OPCML: variants seen among roughly 807,000 people sequenced by gnomAD.
OPCML encodes the protein opioid binding protein/cell adhesion molecule like, also known as opioid-binding protein/cell adhesion molecule.
Under a neutral mutation model 37.8 loss-of-function variants are expected in OPCML, and 13 were observed. That is an observed-to-expected ratio of 0.34 (90% confidence interval 0.22 to 0.55). OPCML has a LOEUF of 0.55. Among genes scored for constraint, OPCML ranks in the 20% least tolerant of loss-of-function variants. The pLI, the probability that OPCML is intolerant of heterozygous loss-of-function variation, is 0.91. For synonymous variants in OPCML, 176 were observed against 168.8 expected (o/e 1.04, Z -0.33); for missense variants, 341 against 435.6 (o/e 0.78, Z 1.93).
At chr11:132,885,493 C>T (rs1384821172) in intron 2 of OPCML, among the ~76,000 whole-genome samples, 2 of 152,148 alleles carry the variant, frequency 1.3e-5, no homozygotes, top group Non-Finnish European at 2.9e-5. Flanking sequence ...TCAATTAATT[C>T]CCCAATAATA....
intron 4 of OPCML, among the ~76,000 whole-genome samples, chr11:132,461,127 T>A (rs536904002): frequency 6.6e-6 from 1 of 152,194 alleles, no homozygotes; most frequent in East Asian, 1.9e-4. Flanking sequence ...TGGTATTTGG[T>A]CTTCCTCCCC....
chr11:133,013,309 G>A (rs1947257299), intron 1 of OPCML, among the ~76,000 whole-genome samples: 1 of 152,088 alleles, frequency 6.6e-6, no homozygotes, highest in African/African-American at 2.4e-5. Flanking sequence ...AAAATGAAAT[G>A]TTTAAAATAA....
intron 2 of OPCML, among the ~76,000 whole-genome samples, chr11:132,841,174 C>A (rs1043328315): frequency 1.8e-4 from 27 of 152,196 alleles, no homozygotes; most frequent in African/African-American, 5.1e-4. Context: ...AAGCAATTAT[C>A]CAAGACTTCG....
chr11:132,864,307 GC>G, intron 2 of OPCML, among the ~76,000 whole-genome samples: 1 of 152,228 alleles, frequency 6.6e-6, no homozygotes, highest in East Asian at 1.9e-4. Flanking sequence ...CAATTAATCT[GC>G]CTTTTGTGAA....
intron 2 of OPCML, among the ~76,000 whole-genome samples, chr11:132,769,206 G>T (rs536768476): frequency 8.6e-5 from 13 of 151,064 alleles, no homozygotes; most frequent in South Asian, 4.2e-4. Context: ...ATGCTGAGTA[G>T]TTTTTTTGTA....
chr11:133,320,682 A>G (rs575545558), intron 1 of OPCML, among the ~76,000 whole-genome samples: 2 of 152,342 alleles, frequency 1.3e-5, no homozygotes, highest in African/African-American at 2.4e-5. Context: ...TCTTAAAATT[A>G]TGCTCTTCTC....
At chr11:133,066,252 CTA>C in intron 1 of OPCML, 1 of 152,428 alleles carries the variant, frequency 6.6e-6, no homozygotes, top group Non-Finnish European at 1.5e-5. Flanking sequence ...AGTTAACAGA[CTA>C]GGAATTTAAA....
intron 2 of OPCML, among the ~76,000 whole-genome samples, chr11:132,671,776 C>A (rs114981990): frequency 3.3e-5 from 5 of 150,966 alleles, no homozygotes. Flanking sequence ...GTCGAGTTTC[C>A]TTATCATGGA....
Position 132,529,164 on chromosome 11 carries a change from G to T in OPCML, c.402C>A (p.Ile134=), listed in dbSNP as rs1005469984. 6.2e-7 allele frequency: 1 copy of T among 1,610,996 alleles called. No individual in the cohort carries two copies. The highest frequency in any genetic ancestry group is 1.7e-5 in the Admixed American group (1 of 59,726). ...IVQVPPQIMN[I]SSDITVNEGS... Reference sequence around the variant, plus strand: ...CCTCATTCACAGTGATGTCTGAGGAGATATTCATGATCTGAGGAGGAACTG... The same window carrying T: ...CCTCATTCACAGTGATGTCTGAGGATATATTCATGATCTGAGGAGGAACTG... The change falls in exon 4 of 8, where the codon ATC becomes ATA. Residue 134 remains isoleucine (I), a synonymous_variant. Coordinates refer to ENST00000524381, the MANE Select transcript of OPCML (RefSeq NM_001012393.5).
chr11:132,574,155 G>T (rs1289970519), intron 3 of OPCML, among the ~76,000 whole-genome samples: 1 of 143,766 alleles, frequency 7.0e-6, no homozygotes, highest in Non-Finnish European at 1.5e-5. Context: ...TGTTAATTTT[G>T]GTTATCTTTT....
chr11:133,434,551 A>C (rs1294449237), intron 1 of OPCML, among the ~76,000 whole-genome samples: 1 of 151,976 alleles, frequency 6.6e-6, no homozygotes, highest in Non-Finnish European at 1.5e-5. Flanking sequence ...TCCATGGCTG[A>C]AGTTCAGAAG....
intron 2 of OPCML, among the ~76,000 whole-genome samples, chr11:132,826,371 T>A (rs1383779496): frequency 6.6e-6 from 1 of 152,234 alleles, no homozygotes; most frequent in Non-Finnish European, 1.5e-5. Flanking sequence ...GGGTTTCTTA[T>A]CTTCTGAACT....
At chr11:132,735,657 G>T (rs1197791443) in intron 2 of OPCML, among the ~76,000 whole-genome samples, 1 of 152,022 alleles carries the variant, frequency 6.6e-6, no homozygotes, top group African/African-American at 2.4e-5. Context: ...CTAATTTTTT[G>T]TATTTTTAGT....
chr11:132,694,457 A>T (rs922422423), intron 2 of OPCML, among the ~76,000 whole-genome samples: 4 of 152,058 alleles, frequency 2.6e-5, no homozygotes, highest in Non-Finnish European at 4.4e-5. Context: ...TCGGCCTCCC[A>T]AAGTGCTGGG....
chr11:133,045,240 A>G (rs774031445), intron 1 of OPCML, among the ~76,000 whole-genome samples: 10 of 152,146 alleles, frequency 6.6e-5, no homozygotes, highest in Non-Finnish European at 1.3e-4. Context: ...GATTCATGTC[A>G]CATCGTTATT....
At chr11:132,715,407 A>AT (rs1944434547) in intron 2 of OPCML, among the ~76,000 whole-genome samples, 2 of 152,148 alleles carry the variant, frequency 1.3e-5, no homozygotes, top group Admixed American at 1.3e-4. Context: ...GGAAATTTGG[A>AT]TTTTATCCTC....
At chr11:133,107,122 A>G (rs1427770624) in intron 1 of OPCML, among the ~76,000 whole-genome samples, 1 of 152,200 alleles carries the variant, frequency 6.6e-6, no homozygotes, top group African/African-American at 2.4e-5. Flanking sequence ...TCTCCATCCA[A>G]GAGGAAGATT....
At chr11:133,234,441 A>G (rs1308284549) in intron 1 of OPCML, among the ~76,000 whole-genome samples, 2 of 152,232 alleles carry the variant, frequency 1.3e-5, no homozygotes, top group Non-Finnish European at 2.9e-5. Context: ...ATGATTCATT[A>G]CAAACATGGA....
intron 1 of OPCML, among the ~76,000 whole-genome samples, chr11:133,417,345 C>A (rs1945790765): frequency 6.6e-6 from 1 of 152,134 alleles, no homozygotes. Flanking sequence ...GTCTTCCCAG[C>A]AACTCTAAAA....
Sources: gnomAD v4.1 joint callset for allele counts (sites outside exome capture counted in the v4.1 genomes callset) on GRCh38, gnomAD v4.1.1 for gene constraint, MANE v1.5 for transcripts, NCBI Gene and HGNC (gene_info 2026-07-23, HGNC 2026-07-21) for gene names.